ADAMTSL2: variants seen among roughly 807,000 people sequenced by gnomAD.
ADAMTSL2 encodes ADAMTS like 2.
ADAMTSL2 carries 55 observed loss-of-function variants against 117.0 expected under a neutral mutation model. That is an observed-to-expected ratio of 0.47 (90% CI 0.38 to 0.59). The LOEUF (loss-of-function observed/expected upper bound fraction) is 0.59. Among genes scored for constraint, ADAMTSL2 ranks in the 20% least tolerant of loss-of-function variants. The pLI is 0.00. For missense variants in ADAMTSL2, 1,182 were observed against 1,354.5 expected, an observed-to-expected ratio of 0.87 and a Z score of 2.00; for synonymous variants, 572 against 566.4, an observed-to-expected ratio of 1.01 and a Z score of -0.14.
chr9:133,560,105 C>A (rs998048167), intron 11 of ADAMTSL2, among the ~76,000 whole-genome samples: 11 of 152,330 alleles, frequency 7.2e-5, no homozygotes, highest in African/African-American at 2.6e-4. Context: ...AATCTGAAAG[C>A]CTTTCTGAAT....
At position 133,538,393 on chromosome 9, in the gene ADAMTSL2, C is replaced by T. The variant is rs888401739; in HGVS notation, c.278C>T (p.Thr93Met). 39 of 1,613,200 alleles carry T rather than the reference C, an allele frequency of 2.4e-5. No individual in the cohort carries two copies. Among genetic ancestry groups the T allele is most frequent in the Non-Finnish European group, 2.8e-5 (33 of 1,180,048 alleles). Residue 93 changes from threonine (T) to methionine (M), a missense_variant, in exon 4 of 19, where the codon ACG becomes ATG. This residue lies in a region of ADAMTSL2 where 372 missense variants were observed against 463.4 expected (regional missense o/e 0.80). Coordinates refer to ENST00000651351, the MANE Select transcript of ADAMTSL2 (RefSeq NM_014694.4). ...PGPGNRTCTG[T>M]SKRYQLCRVQ... ...CCCGGGAACAGGACCTGCACGGGCA[C>T]GTCCAAGCGGTACCAGCTCTGCAGA...
At chr9:133,565,614 G>A (rs1175873060) in intron 12 of ADAMTSL2, among the ~76,000 whole-genome samples, 4 of 152,258 alleles carry the variant, frequency 2.6e-5, no homozygotes, top group South Asian at 2.1e-4. Flanking sequence ...CGTCCTTTAC[G>A]GAAAAAAGAA....
intron 17 of ADAMTSL2, among the ~76,000 whole-genome samples, chr9:133,572,365 G>A (rs1485022867): frequency 6.6e-6 from 1 of 152,200 alleles, no homozygotes; most frequent in Non-Finnish European, 1.5e-5. Flanking sequence ...CCTGAAGGGT[G>A]AGCCGGCTTT....
At chr9:133,552,244 C>T (rs1485153086) in intron 9 of ADAMTSL2, among the ~76,000 whole-genome samples, 1 of 152,188 alleles carries the variant, frequency 6.6e-6, no homozygotes, top group Non-Finnish European at 1.5e-5. Context: ...GTCAATTTCT[C>T]TTTCCTCTCA....
rs762473574 is a variant in ADAMTSL2 at position 133,547,019 on chromosome 9, G to A, written c.764-19G>A. On this transcript the variant is annotated intron_variant, in intron 8 of 18. Transcript: ENST00000651351. ...CCAGCCAGTTTGGCCTTTTGTGACCGGCGGCTTTGCCCTTCCAGCTCTTGC... is the reference window on the plus strand; with the variant it reads ...CCAGCCAGTTTGGCCTTTTGTGACCAGCGGCTTTGCCCTTCCAGCTCTTGC... The A allele has an allele frequency of 2.4e-5, 38 of 1,613,218 alleles. No individual in the cohort carries two copies. The highest frequency in any genetic ancestry group is 6.7e-5 in the Admixed American group (4 of 59,978).
Position 133,558,534 on chromosome 9 carries a change from G to C in ADAMTSL2, c.1649+2604G>C, listed in dbSNP as rs370628720. ...CGCGGAGTCCCTCTCCGCAGCCTTG[G>C]GGGGAGAGAAGAACAGAGCACTTTC... is the stretch of plus-strand genomic sequence containing the variant. On this transcript the variant is annotated intron_variant, in intron 11 of 18. Coordinates refer to ENST00000651351, the MANE Select transcript of ADAMTSL2 (RefSeq NM_014694.4). The surrounding 1 kb of genome is among the most constrained non-coding windows in gnomAD (Gnocchi z 4.3). Among the ~76,000 whole-genome samples the C allele has an allele frequency of 0.017, 2,578 of 152,326 alleles. 29 individuals carry two copies. The highest frequency in any genetic ancestry group is 0.026 in the East Asian group (134 of 5,176).
intron 11 of ADAMTSL2, among the ~76,000 whole-genome samples, chr9:133,559,505 G>A (rs1461318503): frequency 9.7e-5 from 14 of 145,040 alleles, no homozygotes; most frequent in Admixed American, 8.4e-4. Context: ...CACCACACCC[G>A]GTGAATTTTT....
chr9:133,551,626 T>C (rs1269859885), intron 9 of ADAMTSL2, among the ~76,000 whole-genome samples: 1 of 151,602 alleles, frequency 6.6e-6, no homozygotes, highest in East Asian at 1.9e-4. Context: ...TCCAGAACCA[T>C]AGGGTGCTAT....
chr9:133,551,481 C>T (rs11559488), intron 9 of ADAMTSL2, among the ~76,000 whole-genome samples: 28,587 of 152,166 alleles, frequency 0.19, 3,241 homozygotes, highest in South Asian at 0.31. Context: ...TGGTAGAACT[C>T]GTGTTGGAGG....
intron 1 of ADAMTSL2, among the ~76,000 whole-genome samples, chr9:133,536,104 G>T (rs1830044060): frequency 6.6e-6 from 1 of 152,192 alleles, no homozygotes; most frequent in African/African-American, 2.4e-5. Flanking sequence ...GCCGGCTGTT[G>T]CTGGATGCTG....
intron 7 of ADAMTSL2, among the ~76,000 whole-genome samples, chr9:133,542,294 C>A (rs1232848875): frequency 6.6e-6 from 1 of 152,176 alleles, no homozygotes; most frequent in Non-Finnish European, 1.5e-5. Flanking sequence ...TCCAGCAGGG[C>A]GAGGTGGGCA....
intron 2 of ADAMTSL2, among the ~76,000 whole-genome samples, chr9:133,537,068 C>T (rs1830069462): frequency 6.6e-6 from 1 of 152,144 alleles, no homozygotes; most frequent in Non-Finnish European, 1.5e-5. Flanking sequence ...CCCAGCACGG[C>T]CAGGGTAGGC....
Position 133,536,736 on chromosome 9 carries a change from C to T in ADAMTSL2, c.24C>T (p.Ser8=), listed in dbSNP as rs781383669. The T allele has an allele frequency of 1.3e-5, 21 of 1,614,102 alleles. No individual in the cohort carries two copies. Among genetic ancestry groups the T allele is most frequent in the Admixed American group, 5.0e-5 (3 of 60,008 alleles). MDGRWQC[S]CWAWFLLVLA... The stretch of plus-strand genomic sequence containing the variant: ...GGATGGATGGCAGATGGCAATGTTC[C>T]TGCTGGGCCTGGTTCCTGCTGGTTC... The change falls in exon 2 of 19, where the codon TCC becomes TCT. Residue 8 remains serine (S), a synonymous_variant. Coordinates refer to ENST00000651351, the MANE Select transcript of ADAMTSL2 (RefSeq NM_014694.4).
chr9:133,562,861 C>T (rs1254671138), intron 12 of ADAMTSL2, among the ~76,000 whole-genome samples: 1 of 130,356 alleles, frequency 7.7e-6, no homozygotes, highest in South Asian at 2.3e-4. Flanking sequence ...AGGCTCGCAC[C>T]GCTGTGGGAG....
Position 133,555,485 on chromosome 9 carries a change from T to A in ADAMTSL2, c.1277-73T>A. The stretch of plus-strand genomic sequence containing the variant: ...GGTGTTTCTGGCCCCCTCGTCCAGG[T>A]CCCCTCCCCAGGGCAGCCCTTGCCC... On this transcript the variant is annotated intron_variant, in intron 10 of 18. Coordinates refer to ENST00000651351, the MANE Select transcript of ADAMTSL2 (RefSeq NM_014694.4). 1.9e-6 allele frequency: 3 copies of A among 1,595,030 alleles called. No individual in the cohort carries two copies. The South Asian group carries it at 3.3e-5, about 18-fold the overall frequency.
Position 133,554,428 on chromosome 9 carries a change from C to G in ADAMTSL2, c.1011C>G (p.Ser337Arg), listed in dbSNP as rs1257719819. The stretch of plus-strand genomic sequence containing the variant: ...CGCTGCTGCAGCCGCCACACGAGAG[C>G]CGCCCCCAGCCCATCTACTATGGCT... ...EYTLLQPPHE[S>R]RPQPIYYGFS... The change falls in exon 10 of 19, where the codon AGC becomes AGG. Residue 337 changes from serine (S) to arginine (R), a missense_variant. This residue lies in a region of ADAMTSL2 where 345 missense variants were observed against 325.8 expected (regional missense o/e 1.06). Transcript: ENST00000651351. This position sits in a 1 kb window ranked among gnomAD's most constrained non-coding sequence, Gnocchi z 5.2. 1 of 1,563,904 alleles carries G rather than the reference C, an allele frequency of 6.4e-7. No individual in the cohort carries two copies. The highest frequency in any genetic ancestry group is 8.7e-7 in the Non-Finnish European group (1 of 1,154,670).
intron 10 of ADAMTSL2, 93 bp from the exon 11 acceptor site, chr9:133,555,465 T>C (rs1830583443): frequency 6.5e-7 from 1 of 1,536,138 alleles, no homozygotes; most frequent in Admixed American, 1.7e-5. Flanking sequence ...AGCTTGGTGT[T>C]TCTGGCCCCC....
chr9:133,545,653 G>A (rs1181918656), intron 8 of ADAMTSL2, among the ~76,000 whole-genome samples: 1 of 152,226 alleles, frequency 6.6e-6, no homozygotes, highest in Non-Finnish European at 1.5e-5. Context: ...TGCTGGGAGA[G>A]TGGAGAGGCC....
At chr9:133,569,631 G>T in intron 16 of ADAMTSL2, 53 bp downstream of exon 16, 4 of 1,533,514 alleles carry the variant, frequency 2.6e-6, no homozygotes, top group Non-Finnish European at 3.5e-6. Context: ...AGAGCATTTG[G>T]CCAGAGAGGA....
Sources: gnomAD v4.1 joint callset for allele counts (sites outside exome capture counted in the v4.1 genomes callset) on GRCh38, gnomAD v4.1.1 for gene constraint, gnomAD v4.1.1 regional missense constraint, Gnocchi (gnomAD v3.1) non-coding constraint, MANE v1.5 for transcripts, NCBI Gene and HGNC (gene_info 2026-07-23, HGNC 2026-07-21) for gene names.